The following JARID2 variants were observed in gnomAD, a reference collection of about 807,000 sequenced individuals.
JARID2 encodes jumonji and AT-rich interaction domain containing 2.
A neutral mutation model predicts 125.6 loss-of-function variants in JARID2; 21 were observed. That is an observed-to-expected ratio of 0.17 (90% CI 0.12 to 0.24). The LOEUF is 0.24. Ranked by LOEUF, JARID2 falls within the 10% of genes least tolerant of loss-of-function variation. The probability of loss-of-function intolerance (pLI) is 1.00; values close to 1 mark genes in which losing one functional copy is unlikely to be tolerated. For missense variants in JARID2, 1,303 were observed against 1,639.6 expected, an observed-to-expected ratio of 0.79 and a Z score of 3.55; for synonymous variants, 736 against 661.6, an observed-to-expected ratio of 1.11 and a Z score of -1.73.
At position 15,520,940 on chromosome 6, in the gene JARID2, A is replaced by T; in HGVS notation, c.*689A>T. 1 of 420,098 alleles carries T rather than the reference A, an allele frequency of 2.4e-6. No homozygotes were observed. The highest frequency in any genetic ancestry group is 1.6e-5 in the South Asian group (1 of 60,674). 26.0% of individuals were successfully genotyped at this position (420,098 alleles called of 1,614,324 possible). A position where few individuals can be genotyped will look rare whatever the true frequency, so the allele number is the denominator to read the frequency against. ...GAAGAAAAGCGAGCGAGGAAGACGG[A>T]AAAGACTGCCTGCCTTGGAGGGGTC... On this transcript the variant is annotated 3_prime_UTR_variant, in exon 18 of 18. Coordinates refer to ENST00000341776, the MANE Select transcript of JARID2 (RefSeq NM_004973.4).
chr6:15,394,651 C>G (rs7748631), intron 2 of JARID2, among the ~76,000 whole-genome samples: 3 of 152,132 alleles, frequency 2.0e-5, no homozygotes, highest in Non-Finnish European at 4.4e-5. Flanking sequence ...AGAAACCTGA[C>G]AGTTTGGTAA....
intron 3 of JARID2, among the ~76,000 whole-genome samples, chr6:15,444,613 A>ATTG (rs1554137735): frequency 3.5e-5 from 5 of 143,698 alleles, no homozygotes; most frequent in African/African-American, 1.3e-4. Context: ...AACACAGGAA[A>ATTG]TTTTTTTTTT....
intron 3 of JARID2, among the ~76,000 whole-genome samples, chr6:15,434,051 G>A (rs1464801602): frequency 1.3e-5 from 2 of 151,856 alleles, no homozygotes; most frequent in African/African-American, 2.4e-5. Flanking sequence ...AGCTTGGCAT[G>A]AGACAGTTTA....
chr6:15,356,580 T>G (rs564203275), intron 1 of JARID2, among the ~76,000 whole-genome samples: 12 of 152,302 alleles, frequency 7.9e-5, no homozygotes, highest in African/African-American at 2.6e-4. Context: ...TTCATAAATA[T>G]AAGCTTGAAG....
chr6:15,253,053 TTTTTTTAATAAGGA>T (rs1452799378), intron 1 of JARID2, among the ~76,000 whole-genome samples: 6 of 151,606 alleles, frequency 4.0e-5, no homozygotes, highest in African/African-American at 1.5e-4. Context: ...CAGCTTCAGG[TTTTTTTAATAAGGA>T]TTTTTTTTTT....
At chr6:15,507,649 G>A (rs2076058) in intron 11 of JARID2, among the ~76,000 whole-genome samples, 17,931 of 152,240 alleles carry the variant, frequency 0.12, 1,307 homozygotes, top group East Asian at 0.24. Flanking sequence ...GGAGCTGGGA[G>A]AAGCTTAGGG....
At chr6:15,304,828 C>CAG (rs1761763191) in intron 1 of JARID2, among the ~76,000 whole-genome samples, 1 of 152,114 alleles carries the variant, frequency 6.6e-6, no homozygotes, top group Non-Finnish European at 1.5e-5. Context: ...CCAGTGCTGG[C>CAG]AGGGGGCACC....
At chr6:15,389,616 T>C (rs1764923923) in intron 2 of JARID2, among the ~76,000 whole-genome samples, 1 of 152,200 alleles carries the variant, frequency 6.6e-6, no homozygotes, top group African/African-American at 2.4e-5. Context: ...TGGAAAGTGT[T>C]ACAGAGTTTT....
intron 2 of JARID2, among the ~76,000 whole-genome samples, chr6:15,397,776 A>G (rs189647738): frequency 6.6e-6 from 1 of 152,358 alleles, no homozygotes; most frequent in African/African-American, 2.4e-5. Context: ...ATCCAAGGAT[A>G]TCTACCACTT....
chr6:15,466,290 T>G (rs930970958), intron 4 of JARID2, among the ~76,000 whole-genome samples: 6 of 136,394 alleles, frequency 4.4e-5, no homozygotes, highest in Non-Finnish European at 9.7e-5. Context: ...TGCAGAAGTT[T>G]CTATTAGAAA....
At chr6:15,385,582 T>G (rs1351396249) in intron 2 of JARID2, among the ~76,000 whole-genome samples, 1 of 151,942 alleles carries the variant, frequency 6.6e-6, no homozygotes, top group African/African-American at 2.4e-5. Flanking sequence ...TCTAGCCACA[T>G]TAGATTGTAA....
intron 4 of JARID2, among the ~76,000 whole-genome samples, chr6:15,464,528 C>G (rs1005408746): frequency 6.6e-6 from 1 of 152,134 alleles, no homozygotes; most frequent in African/African-American, 2.4e-5. Context: ...CCAAGGAGGA[C>G]AGTCAGGCCA....
intron 1 of JARID2, among the ~76,000 whole-genome samples, chr6:15,290,081 AC>A (rs1240203005): frequency 1.8e-4 from 28 of 152,192 alleles, no homozygotes; most frequent in Non-Finnish European, 3.5e-4. Flanking sequence ...CTATGTAATC[AC>A]CACCCAATTG....
At chr6:15,479,642 G>A (rs963828804) in intron 5 of JARID2, among the ~76,000 whole-genome samples, 11 of 152,170 alleles carry the variant, frequency 7.2e-5, no homozygotes, top group Admixed American at 6.5e-5. Context: ...TTCCAGAAGC[G>A]TTTTACAAAG....
At chr6:15,341,741 A>T (rs72834592) in intron 1 of JARID2, among the ~76,000 whole-genome samples, 5 of 152,262 alleles carry the variant, frequency 3.3e-5, no homozygotes, top group Non-Finnish European at 5.9e-5. Context: ...AGTTTAGAGT[A>T]GTGCCCGCTT....
intron 3 of JARID2, among the ~76,000 whole-genome samples, chr6:15,412,817 A>C (rs1581523604): frequency 1.3e-5 from 2 of 152,088 alleles, no homozygotes; most frequent in African/African-American, 4.8e-5. Context: ...TCTTCAACGC[A>C]CATACAGAAT....
chr6:15,405,504 T>C (rs1164530932), intron 2 of JARID2, among the ~76,000 whole-genome samples: 3 of 152,252 alleles, frequency 2.0e-5, no homozygotes, highest in Admixed American at 2.0e-4. Context: ...TTTCAGCTCA[T>C]ATTTATTGCT....
Position 15,371,014 on chromosome 6 carries a change from CTTGTGTG to C in JARID2, c.46-3094_46-3088del, listed in dbSNP as rs1764147831. Among the ~76,000 whole-genome samples the C allele has an allele frequency of 3.3e-5, 5 of 152,334 alleles. No homozygotes were observed. In the Middle Eastern group the frequency reaches 0.014, roughly 415 times the overall value. On this transcript the variant is annotated intron_variant, in intron 1 of 17. Transcript: ENST00000341776. Reference sequence around the variant, plus strand: ...AACCAGCACTGTAGATTACAAAACACTTGTGTGTTGTGTGTGTTTTAAGTTTGAATTT... The same window carrying C: ...AACCAGCACTGTAGATTACAAAACACTTGTGTGTGTTTTAAGTTTGAATTT...
chr6:15,479,116 A>T (rs1166386777), intron 5 of JARID2, among the ~76,000 whole-genome samples: 8 of 152,172 alleles, frequency 5.3e-5, no homozygotes, highest in Non-Finnish European at 7.3e-5. Context: ...CTTGCAGACC[A>T]ACTGCCTGTT....
Sources: allele counts gnomAD v4.1 joint callset (sites outside exome capture counted in the v4.1 genomes callset), GRCh38; gene constraint gnomAD v4.1.1; transcripts MANE v1.5; gene names NCBI Gene and HGNC (gene_info 2026-07-23, HGNC 2026-07-21).